The following ATP6V0A4 variants were observed in gnomAD, a reference collection of about 807,000 sequenced individuals.
ATP6V0A4 encodes the protein ATPase H+ transporting V0 subunit a4.
In ATP6V0A4, 86 loss-of-function variants were observed where a neutral mutation model predicts 107.3. The observed-to-expected ratio is 0.80, with a 90% confidence interval of 0.67 to 0.96. The LOEUF (loss-of-function observed/expected upper bound fraction) is 0.96, where lower values mean the gene tolerates loss of function less well. Among genes scored for constraint, ATP6V0A4 ranks in the 40% least tolerant of loss-of-function variants. The pLI is 0.00. For synonymous variants in ATP6V0A4, 353 were observed against 381.4 expected, an observed-to-expected ratio of 0.93 and a Z score of 0.87; for missense variants, 908 against 1,045.6, an observed-to-expected ratio of 0.87 and a Z score of 1.81.
intron 19 of ATP6V0A4, 139 bp from the exon 20 acceptor site, chr7:138,716,020 A>C: frequency 8.4e-7 from 1 of 1,189,308 alleles, no homozygotes; most frequent in Non-Finnish European, 1.2e-6. Context: ...AAATAGTAAT[A>C]GACTTAGAGA....
At chr7:138,795,110 C>T (rs1302376516) in intron 1 of ATP6V0A4, among the ~76,000 whole-genome samples, 1 of 152,088 alleles carries the variant, frequency 6.6e-6, no homozygotes, top group Non-Finnish European at 1.5e-5. Flanking sequence ...CCATGTTAGC[C>T]AGGCTGGTCT....
chr7:138,723,526 T>TTTC (rs1804546344), intron 18 of ATP6V0A4, among the ~76,000 whole-genome samples: 1 of 75,508 alleles, frequency 1.3e-5, no homozygotes, highest in South Asian at 6.7e-4. Context: ...TTCTTTTCTT[T>TTTC]TTTTTTTTTT....
At chr7:138,739,701 C>T in intron 14 of ATP6V0A4, 68 bp from the exon 15 acceptor site, 1 of 1,589,190 alleles carries the variant, frequency 6.3e-7, no homozygotes, top group South Asian at 1.1e-5. Context: ...TATAATACCA[C>T]CAGTCACGAA....
chr7:138,706,678 G>A lies in ATP6V0A4; in HGVS notation c.2469C>T (p.Tyr823=). The change falls in exon 22 of 22, where the codon TAC becomes TAT. Residue 823 remains tyrosine, a synonymous_variant. Coordinates refer to ENST00000310018, the MANE Select transcript of ATP6V0A4 (RefSeq NM_020632.3). ...GTTTAAAGGAGAATGGAGAAAACTT[G>A]TAACCATCCCCGACATAGAACTTGT... ...FQNKFYVGDG[Y]KFSPFSFKHI... is the part of the protein sequence containing the mutation. 1 of 1,613,930 alleles carries A rather than the reference G, an allele frequency of 6.2e-7. No homozygotes were observed. Among genetic ancestry groups the A allele is most frequent in the Non-Finnish European group, 8.5e-7 (1 of 1,179,960 alleles).
At position 138,755,770 on chromosome 7, in the gene ATP6V0A4, A is replaced by G. The variant is rs77328827; in HGVS notation, c.735T>C (p.Thr245=). 2,832 of 1,613,378 alleles carry G rather than the reference A, an allele frequency of 1.8e-3. 35 individuals carry two copies. The African/African-American group carries it at 0.031, about 18-fold the overall frequency. ...IKKICDGFRA[T]VYPCPEPAVE... is the part of the protein sequence containing the mutation. ...CCGCAGGCTCTGGGCAAGGGTAGAC[A>G]GTGGCTCGAAACCTGTGTTTAATAT... The change falls in exon 10 of 22, where the codon ACT becomes ACC. Residue 245 remains threonine (T), a synonymous_variant. Coordinates refer to ENST00000310018, the MANE Select transcript of ATP6V0A4 (RefSeq NM_020632.3).
chr7:138,728,957 C>T, intron 17 of ATP6V0A4, 95 bp from the exon 18 acceptor site: 1 of 1,603,094 alleles, frequency 6.2e-7, no homozygotes, highest in African/African-American at 1.3e-5. Flanking sequence ...ACTTCACTAG[C>T]ACTTTATTTT....
chr7:138,798,094 C>T lies in ATP6V0A4; in HGVS notation c.-181G>A. The T allele has an allele frequency of 1.3e-6, 2 of 1,592,496 alleles. No individual in the cohort carries two copies. Among genetic ancestry groups the T allele is most frequent in the East Asian group, 2.3e-5 (1 of 43,746 alleles). ...GCTCACCTGCACCGGGCACTCAGCACAGCCTCCAGCATGCAGCGCCTCCCC... is the reference window on the plus strand; with the variant it reads ...GCTCACCTGCACCGGGCACTCAGCATAGCCTCCAGCATGCAGCGCCTCCCC... On this transcript the variant is annotated 5_prime_UTR_variant, in exon 1 of 22. It adds an upstream start codon to the 5' untranslated region. Coordinates refer to ENST00000310018, the MANE Select transcript of ATP6V0A4 (RefSeq NM_020632.3).
intron 1 of ATP6V0A4, among the ~76,000 whole-genome samples, chr7:138,790,422 G>A (rs1808358324): frequency 6.6e-6 from 1 of 152,122 alleles, no homozygotes. Flanking sequence ...AGTCTCCTGA[G>A]TAGCTGGGAT....
intron 15 of ATP6V0A4, among the ~76,000 whole-genome samples, chr7:138,738,461 G>A (rs916177196): frequency 8.5e-5 from 13 of 152,134 alleles, no homozygotes; most frequent in Admixed American, 2.0e-4. Flanking sequence ...GATCATCCCC[G>A]TCTAGATTCC....
At chr7:138,755,638 G>T in intron 10 of ATP6V0A4, 51 bp downstream of exon 10, 1 of 1,609,446 alleles carries the variant, frequency 6.2e-7, no homozygotes. Context: ...AACAGCAGAG[G>T]CAGCCCTCCT....
intron 16 of ATP6V0A4, among the ~76,000 whole-genome samples, chr7:138,733,805 T>G (rs536563940): frequency 6.6e-6 from 1 of 152,248 alleles, no homozygotes; most frequent in South Asian, 2.1e-4. Flanking sequence ...CTTGAACTCC[T>G]GACCTCAGGT....
intron 14 of ATP6V0A4, among the ~76,000 whole-genome samples, chr7:138,744,311 C>T (rs1049339660): frequency 7.1e-4 from 105 of 146,984 alleles, no homozygotes; most frequent in Non-Finnish European, 1.3e-3. Context: ...GATCTCGGCT[C>T]GCTGCAACCT....
At position 138,747,407 on chromosome 7, in the gene ATP6V0A4, C is replaced by T. The variant is rs369546432; in HGVS notation, c.1320+18G>A. 2.8e-5 allele frequency: 45 copies of T among 1,612,622 alleles called. No individual in the cohort carries two copies. The highest frequency in any genetic ancestry group is 3.3e-4 in the Middle Eastern group (2 of 6,060). On this transcript the variant is annotated intron_variant, in intron 13 of 21. Transcript: ENST00000310018. ...ATTCTGAAAATGAATCAGGGCAAGA[C>T]GGTCAATGGACACTCACCTCATTGT...
At chr7:138,710,481 G>A (rs1033634352) in intron 20 of ATP6V0A4, among the ~76,000 whole-genome samples, 6 of 152,100 alleles carry the variant, frequency 3.9e-5, no homozygotes, top group East Asian at 3.9e-4. Context: ...AAGCCACCGC[G>A]CCCAGCCACA....
chr7:138,777,031 C>T (rs1807689944), intron 2 of ATP6V0A4, among the ~76,000 whole-genome samples: 1 of 151,960 alleles, frequency 6.6e-6, no homozygotes, highest in Non-Finnish European at 1.5e-5. Flanking sequence ...TGCCTGTAAT[C>T]CCAGCTACTC....
At position 138,756,493 on chromosome 7, in the gene ATP6V0A4, C is replaced by T. The variant is rs1217520799; in HGVS notation, c.687G>A (p.Glu229=). 1 of 1,612,680 alleles carries T rather than the reference C, an allele frequency of 6.2e-7. No homozygotes were observed. The highest frequency in any genetic ancestry group is 1.3e-5 in the African/African-American group (1 of 74,894). Residue 229 remains glutamate (E), a synonymous_variant, in exon 9 of 22, where the codon GAG becomes GAA. Coordinates refer to ENST00000310018, the MANE Select transcript of ATP6V0A4 (RefSeq NM_020632.3). The stretch of plus-strand genomic sequence containing the variant: ...TCTTCTTGATTTTCTGCCTGAGCTG[C>T]TCTCCTTGGTAAAATATGATGAATA... ...KNIFIIFYQG[E]QLRQKIKKIC...
chr7:138,768,755 G>A (rs747473229), intron 5 of ATP6V0A4, 25 bp downstream of exon 5: 4 of 1,613,366 alleles, frequency 2.5e-6, no homozygotes, highest in African/African-American at 2.7e-5. Context: ...CTTACCTGGG[G>A]AGGCCAGCAA....
At chr7:138,774,204 G>T (rs1807535417) in intron 2 of ATP6V0A4, among the ~76,000 whole-genome samples, 1 of 152,194 alleles carries the variant, frequency 6.6e-6, no homozygotes, top group African/African-American at 2.4e-5. Context: ...GAAGGTTGAG[G>T]ACAAGATTCC....
chr7:138,746,715 G>A (rs367885857), intron 13 of ATP6V0A4, among the ~76,000 whole-genome samples: 5 of 152,148 alleles, frequency 3.3e-5, no homozygotes, highest in South Asian at 4.1e-4. Context: ...TGTTGGCCAC[G>A]TTGGCCTCGA....
Sources: gnomAD v4.1 joint callset for allele counts (sites outside exome capture counted in the v4.1 genomes callset) on GRCh38, gnomAD v4.1.1 for gene constraint, MANE v1.5 for transcripts, NCBI Gene and HGNC (gene_info 2026-07-23, HGNC 2026-07-21) for gene names.